Variants in CCS observed in about 807,000 individuals in gnomAD.
CCS encodes copper chaperone for superoxide dismutase.
A neutral mutation model predicts 35.5 loss-of-function variants in CCS; 32 were observed. The ratio of observed to expected loss-of-function variants is 0.90; its 90% confidence interval spans 0.68 to 1.21. The LOEUF is 1.21. Ranked by LOEUF, CCS falls within the 50% of genes most tolerant of loss-of-function variation. The pLI is 0.00. For missense variants in CCS, 342 were observed against 375.4 expected (o/e 0.91, Z 0.73); for synonymous variants, 130 against 147.2 (o/e 0.88, Z 0.84).
chr11:66,598,300 G>A (rs1858512579), intron 2 of CCS, among the ~76,000 whole-genome samples: 1 of 151,206 alleles, frequency 6.6e-6, no homozygotes, highest in Middle Eastern at 3.4e-3. Context: ...TCAGGAGTTC[G>A]AGAGCAGCCT....
chr11:66,598,597 A>G (rs1223397664), intron 2 of CCS, among the ~76,000 whole-genome samples: 1 of 151,370 alleles, frequency 6.6e-6, no homozygotes, highest in Non-Finnish European at 1.5e-5. Context: ...GATATCTAAT[A>G]TACATGGCAT....
rs143215772 is a variant in CCS at position 66,605,818 on chromosome 11, G to C, written c.788G>C (p.Gly263Ala). The C allele has an allele frequency of 1.7e-3, 2,759 of 1,590,572 alleles. 2 individuals carry two copies. The highest frequency in any genetic ancestry group is 2.1e-3 in the Non-Finnish European group (2,437 of 1,167,884). ...CGAGGCCGGCCCATCGCTGGCAAGG[G>C]CCGAAAGGAGTCAGCGCAGCCCCCT... The part of the protein sequence containing the change: ...EERGRPIAGK[G>A]RKESAQPPAH... The change falls in exon 8 of 8, where the codon GGC becomes GCC. Residue 263 changes from glycine to alanine, a missense_variant. Gly to Ala is a moderately conservative substitution (Grantham distance 60). Transcript: ENST00000533244.
chr11:66,604,685 C>T (rs1190303753), intron 5 of CCS, among the ~76,000 whole-genome samples: 1 of 152,158 alleles, frequency 6.6e-6, no homozygotes, highest in Non-Finnish European at 1.5e-5. Context: ...TACTCCCTGC[C>T]ATGTTGGGTA....
Position 66,599,634 on chromosome 11 carries a change from C to T in CCS, c.426C>T (p.Asn142=). 6.2e-7 allele frequency: 1 copy of T among 1,611,724 alleles called. No homozygotes were observed. Among genetic ancestry groups the T allele is most frequent in the Non-Finnish European group, 8.5e-7 (1 of 1,179,050 alleles). ...HQYGDLTNNC[N]SCGNHFNPDG... The stretch of plus-strand genomic sequence containing the variant: ...ACGGGGACCTTACAAACAACTGCAA[C>T]AGGTGAGTTGTCTGAAGTCTCCCCA... Residue 142 remains asparagine (N), a splice_region_variant and synonymous_variant, in exon 4 of 8, where the codon AAC becomes AAT. Transcript: ENST00000533244.
At position 66,599,480 on chromosome 11, in the gene CCS, C is replaced by A; in HGVS notation, c.272C>A (p.Ala91Asp). ...GCAGAGAATCTGGGGGCAGCAGTGG[C>A]CATCCTGGGGGGGCCTGGCACCGTG... ...GQLQNLGAAV[A>D]ILGGPGTVQG... Residue 91 changes from alanine (A) to aspartate (D), a missense_variant, in exon 4 of 8, where the codon GCC (alanine) becomes GAC (aspartate). By Grantham distance (126) the Ala-to-Asp change is moderately radical. Coordinates refer to ENST00000533244, the MANE Select transcript of CCS (RefSeq NM_005125.2). 1 of 1,541,748 alleles carries A rather than the reference C, an allele frequency of 6.5e-7. No homozygotes were observed.
At position 66,593,650 on chromosome 11, in the gene CCS, C is replaced by G. The variant is rs749120332; in HGVS notation, c.48C>G (p.Phe16Leu). 3 of 1,613,852 alleles carry G rather than the reference C, an allele frequency of 1.9e-6. No individual in the cohort carries two copies. The highest frequency in any genetic ancestry group is 2.5e-6 in the Non-Finnish European group (3 of 1,179,994). ...CCCTGCCGCCCTTGCAGTTGGAGTT[C>G]GCGGTGCAGATGACCTGTCAGAGCT... ...GNQGTLCTLE[F>L]AVQMTCQSCV... is the part of the protein sequence containing the mutation. The change falls in exon 2 of 8, where the codon TTC becomes TTG. Residue 16 changes from phenylalanine to leucine, a missense_variant. Phe to Leu is a conservative substitution (Grantham distance 22). Transcript: ENST00000533244.
intron 5 of CCS, among the ~76,000 whole-genome samples, chr11:66,601,647 C>T (rs1266805617): frequency 4.0e-5 from 6 of 151,650 alleles, no homozygotes; most frequent in East Asian, 2.0e-4. Flanking sequence ...TGGCTCACTA[C>T]AGCCTTGAAC....
In CCS at chr11:66,600,482, T is replaced by A; in HGVS notation, c.429-7T>A. 1 of 1,527,498 alleles carries A rather than the reference T, an allele frequency of 6.5e-7. No individual in the cohort carries two copies. Among genetic ancestry groups the A allele is most frequent in the Non-Finnish European group, 8.8e-7 (1 of 1,133,410 alleles). 94.6% of individuals were successfully genotyped at this position (1,527,498 alleles called of 1,614,324 possible). A position where few individuals can be genotyped will look rare whatever the true frequency, so the allele number is the denominator to read the frequency against. On this transcript the variant is annotated splice_region_variant and splice_polypyrimidine_tract_variant and intron_variant, in intron 4 of 7. Transcript: ENST00000533244. ...TTTCCTGCCCACCTGTTTCCTTTCTTTCTTAGCTGTGGGAATCACTTTAAC... is the reference window on the plus strand; with the variant it reads ...TTTCCTGCCCACCTGTTTCCTTTCTATCTTAGCTGTGGGAATCACTTTAAC...
chr11:66,596,060 T>C (rs1029919662), intron 2 of CCS, among the ~76,000 whole-genome samples: 1 of 152,164 alleles, frequency 6.6e-6, no homozygotes, highest in Non-Finnish European at 1.5e-5. Flanking sequence ...TGTTGCCCCC[T>C]CTAATAGCTT....
At chr11:66,597,894 C>T (rs1384167582) in intron 2 of CCS, among the ~76,000 whole-genome samples, 1 of 151,948 alleles carries the variant, frequency 6.6e-6, no homozygotes, top group Admixed American at 6.6e-5. Flanking sequence ...GCTCTCCAGC[C>T]TAGGTGACAA....
chr11:66,594,596 C>T (rs776200965), intron 2 of CCS, among the ~76,000 whole-genome samples: 9 of 151,698 alleles, frequency 5.9e-5, no homozygotes, highest in East Asian at 2.0e-4. Flanking sequence ...AGCAACATGG[C>T]GAAAACCCTC....
Position 66,593,354 on chromosome 11 carries a change from G to A in CCS, c.39+54G>A, listed in dbSNP as rs1377636237. 18 of 1,456,320 alleles carry A rather than the reference G, an allele frequency of 1.2e-5. No homozygotes were observed. In the East Asian group the frequency reaches 3.7e-4, roughly 30 times the overall value. 90.2% of individuals were successfully genotyped at this position (1,456,320 alleles called of 1,614,324 possible). On this transcript the variant is annotated intron_variant, in intron 1 of 7. Coordinates refer to ENST00000533244, the MANE Select transcript of CCS (RefSeq NM_005125.2). ...CGCCGGGCAGAGAGCCTCGGCCCCT[G>A]GGATGATCGTTACCTTGGGAAGAGG...
rs1858416742 is a variant in CCS at position 66,593,393 on chromosome 11, A to T, written c.39+93A>T. On this transcript the variant is annotated intron_variant, in intron 1 of 7. Coordinates refer to ENST00000533244, the MANE Select transcript of CCS (RefSeq NM_005125.2). Reference sequence around the variant, plus strand: ...CTTGGGAAGAGGAGAAGGAGTGGGCACTTGGGTTGGGGCCTGGGGCCATGG... The same window carrying T: ...CTTGGGAAGAGGAGAAGGAGTGGGCTCTTGGGTTGGGGCCTGGGGCCATGG... 24 of 1,336,234 alleles carry T rather than the reference A, an allele frequency of 1.8e-5. No individual in the cohort carries two copies. The South Asian group carries it at 3.5e-4, about 20-fold the overall frequency. 82.8% of individuals were successfully genotyped at this position (1,336,234 alleles called of 1,614,324 possible).
chr11:66,594,031 C>G (rs1437643853), intron 2 of CCS, among the ~76,000 whole-genome samples: 1 of 152,146 alleles, frequency 6.6e-6, no homozygotes, highest in African/African-American at 2.4e-5. Context: ...CTTGACAAAG[C>G]AAACAGCAGC....
intron 4 of CCS, chr11:66,599,845 A>C: frequency 1.9e-6 from 1 of 517,460 alleles, no homozygotes. Flanking sequence ...GGCTGGGCAC[A>C]GTAGCTCACA....
chr11:66,597,733 C>G (rs1398118582), intron 2 of CCS, among the ~76,000 whole-genome samples: 3 of 149,844 alleles, frequency 2.0e-5, no homozygotes, highest in African/African-American at 7.4e-5. Flanking sequence ...GCCTGGGCGA[C>G]AGAGTGAGAC....
At chr11:66,595,379 G>A (rs74720222) in intron 2 of CCS, among the ~76,000 whole-genome samples, 2 of 152,108 alleles carry the variant, frequency 1.3e-5, no homozygotes, top group South Asian at 2.1e-4. Context: ...ACTTGCTTGC[G>A]AGGAGAGCAG....
At chr11:66,600,622 T>G in intron 5 of CCS, 73 bp downstream of exon 5, 1 of 730,356 alleles carries the variant, frequency 1.4e-6, no homozygotes, top group Middle Eastern at 2.6e-4. Flanking sequence ...AGGCAGCTCT[T>G]GGGATCATAA....
rs1858414181 is a variant in CCS at position 66,593,306 on chromosome 11, G to T, written c.39+6G>T. 1.3e-6 allele frequency: 2 copies of T among 1,533,314 alleles called. No homozygotes were observed. The highest frequency in any genetic ancestry group is 1.8e-6 in the Non-Finnish European group (2 of 1,140,102). 95.0% of individuals were successfully genotyped at this position (1,533,314 alleles called of 1,614,324 possible). ...ACCAGGGGACCCTCTGCACGGTGAG[G>T]GTCGAGGCTTCGTGTGGAGCCTCGC... On this transcript the variant is annotated splice_donor_region_variant and intron_variant, in intron 1 of 7. Transcript: ENST00000533244.
Sources: allele counts gnomAD v4.1 joint callset (sites outside exome capture counted in the v4.1 genomes callset), GRCh38; gene constraint gnomAD v4.1.1; transcripts MANE v1.5; gene names NCBI Gene and HGNC (gene_info 2026-07-23, HGNC 2026-07-21).